The following RBMS3 variants were observed in gnomAD, a reference collection of about 807,000 sequenced individuals.
RBMS3 encodes the protein RNA binding motif single stranded interacting protein 3.
A neutral mutation model predicts 66.8 loss-of-function variants in RBMS3; 27 were observed. The ratio of observed to expected loss-of-function variants is 0.40; its 90% CI spans 0.30 to 0.56. RBMS3 has a LOEUF of 0.56. Among genes scored for constraint, RBMS3 ranks in the 20% least tolerant of loss-of-function variants. The probability of loss-of-function intolerance (pLI) is 0.40; values close to 1 mark genes in which losing one functional copy is unlikely to be tolerated. For missense variants in RBMS3, 513 were observed against 549.5 expected, an observed-to-expected ratio of 0.93 and a Z score of 0.66; for synonymous variants, 188 against 183.0, an observed-to-expected ratio of 1.03 and a Z score of -0.22.
intron 4 of RBMS3, among the ~76,000 whole-genome samples, chr3:29,666,571 C>A (rs1012862154): frequency 3.3e-5 from 5 of 151,984 alleles, no homozygotes; most frequent in Admixed American, 1.3e-4. Context: ...AAGCTAACTC[C>A]TTTTTATACT....
intron 2 of RBMS3, among the ~76,000 whole-genome samples, chr3:29,437,232 T>G (rs776998950): frequency 3.3e-5 from 5 of 152,178 alleles, no homozygotes; most frequent in Non-Finnish European, 7.4e-5. Flanking sequence ...AAATCAGAGC[T>G]TTTTAAAATT....
intron 2 of RBMS3, among the ~76,000 whole-genome samples, chr3:29,485,472 A>G (rs1190717199): frequency 3.3e-5 from 5 of 152,174 alleles, no homozygotes; most frequent in Non-Finnish European, 7.4e-5. Context: ...AGACCTGGCT[A>G]TATTTGTAGA....
chr3:29,718,241 G>A (rs2053490495), intron 4 of RBMS3, among the ~76,000 whole-genome samples: 1 of 151,944 alleles, frequency 6.6e-6, no homozygotes, highest in South Asian at 2.1e-4. Flanking sequence ...TTCCTATGTA[G>A]ACTTTTTGTT....
At chr3:29,871,749 T>G (rs2059496954) in intron 7 of RBMS3, among the ~76,000 whole-genome samples, 1 of 152,172 alleles carries the variant, frequency 6.6e-6, no homozygotes, top group African/African-American at 2.4e-5. Context: ...GACGAAATTC[T>G]TAGGATACAA....
At chr3:29,520,720 A>G (rs1209378254) in intron 3 of RBMS3, among the ~76,000 whole-genome samples, 1 of 152,214 alleles carries the variant, frequency 6.6e-6, no homozygotes, top group Non-Finnish European at 1.5e-5. Flanking sequence ...CCTGTGTCTC[A>G]GCGAAACATT....
chr3:29,624,151 A>G (rs78620511), intron 4 of RBMS3, among the ~76,000 whole-genome samples: 2,043 of 152,328 alleles, frequency 0.013, 34 homozygotes, highest in African/African-American at 0.041. Context: ...GCATGTGTAC[A>G]TGAGTCCCAA....
intron 12 of RBMS3, among the ~76,000 whole-genome samples, chr3:29,957,680 G>A (rs1345609317): frequency 1.3e-5 from 2 of 152,056 alleles, no homozygotes; most frequent in Non-Finnish European, 2.9e-5. Flanking sequence ...TTATCTGAAA[G>A]GTTTCATTTT....
intron 10 of RBMS3, among the ~76,000 whole-genome samples, chr3:29,900,388 A>T (rs942023611): frequency 1.5e-4 from 23 of 151,764 alleles, no homozygotes; most frequent in African/African-American, 5.6e-4. Context: ...AAAATATTCA[A>T]ATTCTCTTTT....
chr3:29,613,216 C>T (rs1007601125), intron 4 of RBMS3, among the ~76,000 whole-genome samples: 5 of 152,064 alleles, frequency 3.3e-5, no homozygotes, highest in African/African-American at 4.8e-5. Context: ...GTGAGATTGC[C>T]GGATCATATG....
At chr3:29,977,932 T>C (rs962881919) in intron 12 of RBMS3, among the ~76,000 whole-genome samples, 2 of 152,060 alleles carry the variant, frequency 1.3e-5, no homozygotes, top group Non-Finnish European at 2.9e-5. Context: ...CTTAAGAATA[T>C]ACATCTATTC....
At chr3:29,983,433 A>G (rs1465218254) in intron 12 of RBMS3, among the ~76,000 whole-genome samples, 1 of 152,102 alleles carries the variant, frequency 6.6e-6, no homozygotes, top group Non-Finnish European at 1.5e-5. Context: ...TAATATGGTT[A>G]TGTGTGAATT....
At chr3:29,612,906 T>C (rs569185567) in intron 4 of RBMS3, among the ~76,000 whole-genome samples, 6 of 152,118 alleles carry the variant, frequency 3.9e-5, no homozygotes, top group Non-Finnish European at 7.4e-5. Flanking sequence ...TAAAATTGCA[T>C]AGGTATCATA....
chr3:29,981,293 G>C (rs1228964102), intron 12 of RBMS3, among the ~76,000 whole-genome samples: 1 of 152,138 alleles, frequency 6.6e-6, no homozygotes, highest in South Asian at 2.1e-4. Flanking sequence ...TCCTGAGACT[G>C]TGCTGAAGTT....
At chr3:29,903,608 G>A (rs1006437203) in intron 10 of RBMS3, among the ~76,000 whole-genome samples, 1 of 151,930 alleles carries the variant, frequency 6.6e-6, no homozygotes, top group Non-Finnish European at 1.5e-5. Context: ...TGTTATTACT[G>A]ACAAGGAGAA....
intron 8 of RBMS3, among the ~76,000 whole-genome samples, chr3:29,885,247 T>C (rs2059842741): frequency 6.6e-6 from 1 of 151,840 alleles, no homozygotes; most frequent in Non-Finnish European, 1.5e-5. Flanking sequence ...TAAACATTAA[T>C]GGTAGACTAG....
intron 9 of RBMS3, among the ~76,000 whole-genome samples, chr3:29,898,351 T>C (rs1311784280): frequency 6.6e-6 from 1 of 151,710 alleles, no homozygotes; most frequent in Admixed American, 6.6e-5. Flanking sequence ...TGTATGCATG[T>C]GCTTCTTGAA....
intron 13 of RBMS3, among the ~76,000 whole-genome samples, chr3:29,990,460 C>CAAAAAAAAAAAAAAAAAAAAAAAAAAAAA (rs10596526): frequency 9.4e-6 from 1 of 106,514 alleles, no homozygotes; most frequent in Non-Finnish European, 1.9e-5. Context: ...CTGTGAGAAA[C>CAAAAAAAAAAAAAAAAAAAAAAAAAAAAA]AAAAAAAAAA....
intron 10 of RBMS3, among the ~76,000 whole-genome samples, chr3:29,904,968 A>C: frequency 6.6e-6 from 1 of 152,050 alleles, no homozygotes; most frequent in East Asian, 1.9e-4. Context: ...ATATTATCTC[A>C]GTTGACTTTA....
At chr3:29,560,860 A>C (rs2149047863) in intron 3 of RBMS3, among the ~76,000 whole-genome samples, 1 of 152,306 alleles carries the variant, frequency 6.6e-6, no homozygotes, top group Admixed American at 6.5e-5. Context: ...AGTACCCATT[A>C]GTTATTTTTC....
Sources: gnomAD v4.1 joint callset for allele counts (sites outside exome capture counted in the v4.1 genomes callset) on GRCh38, gnomAD v4.1.1 for gene constraint, MANE v1.5 for transcripts, NCBI Gene and HGNC (gene_info 2026-07-23, HGNC 2026-07-21) for gene names.